CFAP299: variants seen among roughly 807,000 people sequenced by gnomAD.
CFAP299 encodes the protein cilia- and flagella-associated protein 299.
A neutral mutation model predicts 27.0 loss-of-function variants in CFAP299; 21 were observed. That is an observed-to-expected ratio of 0.78 (90% CI 0.55 to 1.12). The LOEUF (loss-of-function observed/expected upper bound fraction) is 1.12. Among genes scored for constraint, CFAP299 ranks in the 50% most tolerant of loss-of-function variants. The probability of loss-of-function intolerance (pLI) is 0.00; values close to 1 mark genes in which losing one functional copy is unlikely to be tolerated. For synonymous variants in CFAP299, 104 were observed against 98.1 expected, an observed-to-expected ratio of 1.06 and a Z score of -0.36; for missense variants, 310 against 276.6, an observed-to-expected ratio of 1.12 and a Z score of -0.86.
intron 2 of CFAP299, among the ~76,000 whole-genome samples, chr4:80,513,024 G>A (rs1316766952): frequency 6.6e-6 from 1 of 152,060 alleles, no homozygotes; most frequent in Non-Finnish European, 1.5e-5. Flanking sequence ...TTTTAACTTT[G>A]CAGAATTTCC....
intron 4 of CFAP299, among the ~76,000 whole-genome samples, chr4:80,906,200 C>A (rs1314829192): frequency 6.6e-6 from 1 of 152,156 alleles, no homozygotes; most frequent in East Asian, 1.9e-4. Flanking sequence ...TCCAATAGGG[C>A]AGTCATTAAA....
intron 2 of CFAP299, among the ~76,000 whole-genome samples, chr4:80,509,915 A>G (rs1322309633): frequency 6.6e-6 from 1 of 151,412 alleles, no homozygotes; most frequent in Non-Finnish European, 1.5e-5. Context: ...TTTCTCCTCC[A>G]AGATCCTGTG....
At chr4:80,465,561 A>G (rs1263558810) in intron 2 of CFAP299, among the ~76,000 whole-genome samples, 1 of 152,202 alleles carries the variant, frequency 6.6e-6, no homozygotes, top group East Asian at 1.9e-4. Flanking sequence ...TATATTCTTC[A>G]CTAGCCTTCC....
chr4:80,538,369 T>C (rs902717563), intron 2 of CFAP299, among the ~76,000 whole-genome samples: 1 of 152,142 alleles, frequency 6.6e-6, no homozygotes, highest in African/African-American at 2.4e-5. Context: ...AATTTATTAT[T>C]GAAGAAATAA....
At chr4:80,704,051 G>A (rs1051939542) in intron 3 of CFAP299, among the ~76,000 whole-genome samples, 11 of 151,754 alleles carry the variant, frequency 7.2e-5, no homozygotes, top group African/African-American at 2.4e-4. Flanking sequence ...CTAAGAAAAA[G>A]AAATTAATAG....
intron 3 of CFAP299, among the ~76,000 whole-genome samples, chr4:80,767,519 G>T (rs1725948151): frequency 6.6e-6 from 1 of 152,170 alleles, no homozygotes; most frequent in Non-Finnish European, 1.5e-5. Flanking sequence ...TGAGGCAGGA[G>T]AATGGCGTGA....
chr4:80,752,344 A>G (rs1553956433), intron 3 of CFAP299, among the ~76,000 whole-genome samples: 1 of 150,760 alleles, frequency 6.6e-6, no homozygotes, highest in Non-Finnish European at 1.5e-5. Context: ...CTAATCAGCC[A>G]TGGTGCATCC....
chr4:80,734,028 T>C (rs1408540205), intron 3 of CFAP299, among the ~76,000 whole-genome samples: 4 of 152,116 alleles, frequency 2.6e-5, no homozygotes, highest in Admixed American at 6.6e-5. Flanking sequence ...TTTTAGTTTT[T>C]TAAGGAACCT....
At chr4:80,654,238 A>G (rs189311300) in intron 3 of CFAP299, among the ~76,000 whole-genome samples, 3 of 152,144 alleles carry the variant, frequency 2.0e-5, no homozygotes, top group Admixed American at 1.3e-4. Flanking sequence ...TTCAAAATAG[A>G]TAAAGTGCAT....
At chr4:80,337,398 ATTT>A (rs1330672953) in intron 1 of CFAP299, among the ~76,000 whole-genome samples, 2 of 142,750 alleles carry the variant, frequency 1.4e-5, no homozygotes, top group Non-Finnish European at 1.5e-5. Flanking sequence ...ATCAATCAGA[ATTT>A]TTTTTTTTTT....
chr4:80,335,681 A>G (rs1301638917), upstream of CFAP299: 3 of 807,958 alleles, frequency 3.7e-6, no homozygotes, highest in South Asian at 2.7e-5. Flanking sequence ...ACCGGCTTCA[A>G]CTGATTGGCA....
intron 3 of CFAP299, among the ~76,000 whole-genome samples, chr4:80,804,837 T>G (rs1295352469): frequency 6.6e-6 from 1 of 152,118 alleles, no homozygotes; most frequent in Non-Finnish European, 1.5e-5. Context: ...AATTTCTGTC[T>G]TTTTGACTGG....
intron 4 of CFAP299, chr4:80,871,576 C>T (rs531927573): frequency 1.4e-5 from 14 of 985,286 alleles, no homozygotes; most frequent in Middle Eastern, 5.2e-4. Context: ...AATGGCATCA[C>T]CCTTGAAACC....
At chr4:80,952,729 G>A (rs923969156) in intron 5 of CFAP299, among the ~76,000 whole-genome samples, 1 of 151,728 alleles carries the variant, frequency 6.6e-6, no homozygotes, top group Admixed American at 6.6e-5. Flanking sequence ...TTTAGAGGAA[G>A]AGTCCAGCAA....
chr4:80,693,506 A>G (rs1385069448), intron 3 of CFAP299, among the ~76,000 whole-genome samples: 2 of 129,396 alleles, frequency 1.5e-5, no homozygotes, highest in East Asian at 2.6e-4. Flanking sequence ...ATGAGAACAC[A>G]TGGACACAGG....
At chr4:80,768,612 A>G (rs1306520055) in intron 3 of CFAP299, among the ~76,000 whole-genome samples, 2 of 152,222 alleles carry the variant, frequency 1.3e-5, no homozygotes, top group Non-Finnish European at 2.9e-5. Flanking sequence ...AAGAAGGTCT[A>G]GTATATATCC....
chr4:80,484,964 A>G (rs999659566), intron 2 of CFAP299, among the ~76,000 whole-genome samples: 1 of 152,156 alleles, frequency 6.6e-6, no homozygotes, highest in African/African-American at 2.4e-5. Flanking sequence ...AGCAAATTGC[A>G]TTTTGAAATT....
chr4:80,453,842 A>AATAATAATC (rs1729014334), intron 2 of CFAP299, among the ~76,000 whole-genome samples: 3 of 16,570 alleles, frequency 1.8e-4, no homozygotes, highest in African/African-American at 7.2e-4. Flanking sequence ...CCCTGTCTCA[A>AATAATAATC]ATAATAATAA....
intron 3 of CFAP299, among the ~76,000 whole-genome samples, chr4:80,799,401 A>T (rs1222597194): frequency 1.1e-5 from 1 of 92,120 alleles, no homozygotes; most frequent in African/African-American, 4.5e-5. Flanking sequence ...ATATTTATAT[A>T]TATTTATACA....
Sources: allele counts gnomAD v4.1 joint callset (sites outside exome capture counted in the v4.1 genomes callset), GRCh38; gene constraint gnomAD v4.1.1; transcripts MANE v1.5; gene names NCBI Gene and HGNC (gene_info 2026-07-23, HGNC 2026-07-21).